FRA10AC1: variants seen among roughly 807,000 people sequenced by gnomAD.
The protein encoded by FRA10AC1 is FRA10A associated CGG repeat 1.
FRA10AC1 carries 43 observed loss-of-function variants against 56.5 expected under a neutral mutation model. The ratio of observed to expected loss-of-function variants is 0.76; its 90% CI spans 0.60 to 0.98. The LOEUF (loss-of-function observed/expected upper bound fraction) is 0.98, where lower values mean the gene tolerates loss of function less well. FRA10AC1 is among the 50% of genes least tolerant of loss of function. The pLI is 0.00. For synonymous variants in FRA10AC1, 112 were observed against 110.5 expected (o/e 1.01, Z -0.09); for missense variants, 346 against 351.8 (o/e 0.98, Z 0.13).
At chr10:93,670,556 G>C (rs1333799023) in intron 13 of FRA10AC1, among the ~76,000 whole-genome samples, 2 of 152,088 alleles carry the variant, frequency 1.3e-5, no homozygotes, top group East Asian at 1.9e-4. Context: ...ATCTGTTAAA[G>C]TGAACTGATG....
chr10:93,687,538 T>TA, intron 7 of FRA10AC1, 89 bp from the exon 8 acceptor site: 2 of 1,195,170 alleles, frequency 1.7e-6, no homozygotes, highest in Admixed American at 3.1e-5. Flanking sequence ...TTCACCAACC[T>TA]AAAAAATAAA....
At chr10:93,673,932 C>A in intron 12 of FRA10AC1, 1 of 245,094 alleles carries the variant, frequency 4.1e-6, no homozygotes, top group Non-Finnish European at 8.3e-6. Context: ...CACTGATGAA[C>A]AGTTATTGAT....
At chr10:93,688,866 C>T (rs1181245555) in intron 7 of FRA10AC1, among the ~76,000 whole-genome samples, 1 of 152,004 alleles carries the variant, frequency 6.6e-6, no homozygotes, top group East Asian at 1.9e-4. Context: ...TAGAAACATG[C>T]ATACCTGTAC....
intron 11 of FRA10AC1, among the ~76,000 whole-genome samples, chr10:93,678,077 G>C (rs2058873890): frequency 6.6e-6 from 1 of 152,188 alleles, no homozygotes; most frequent in South Asian, 2.1e-4. Flanking sequence ...TATTTCTAAA[G>C]GAGAAGTGAC....
chr10:93,700,264 C>A (rs2059308667), intron 1 of FRA10AC1, among the ~76,000 whole-genome samples, 158 bp from the exon 2 acceptor site: 1 of 152,206 alleles, frequency 6.6e-6, no homozygotes. Context: ...CTAAAACTTT[C>A]ATTCGCTTTT....
rs78660672 is a variant in FRA10AC1, at chr10:93,699,087, C to T, written c.78-691G>A. ...CCCAGGAAAGCCAAAAGACTGGACA[C>T]CCTGCCATAGACTGTCAGCCCTAGT... On this transcript the variant is annotated intron_variant, in intron 2 of 13. Transcript: ENST00000359204. Among the ~76,000 whole-genome samples the T allele has an allele frequency of 4.8e-3, 736 of 152,214 alleles. 3 individuals carry two copies. The highest frequency in any genetic ancestry group is 8.5e-3 in the Admixed American group (130 of 15,290).
At chr10:93,701,284 A>G (rs1343003466) in intron 1 of FRA10AC1, among the ~76,000 whole-genome samples, 2 of 152,226 alleles carry the variant, frequency 1.3e-5, no homozygotes, top group African/African-American at 4.8e-5. Flanking sequence ...GGAACAGTCC[A>G]GGTTAAATGA....
At chr10:93,673,458 G>A (rs187641390) in intron 12 of FRA10AC1, 5 of 420,788 alleles carry the variant, frequency 1.2e-5, no homozygotes, top group Non-Finnish European at 2.3e-5. Flanking sequence ...TCCCTTTAGA[G>A]TGTGGTGCCT....
chr10:93,686,528 T>TA (rs1174383146), intron 8 of FRA10AC1, among the ~76,000 whole-genome samples: 1 of 151,754 alleles, frequency 6.6e-6, no homozygotes, highest in Admixed American at 6.6e-5. Flanking sequence ...GATAAAAACA[T>TA]AAACTAAAAT....
In FRA10AC1 at chr10:93,694,967, C is replaced by T. The variant is rs753754104; in HGVS notation, c.220-30G>A. 7.1e-6 allele frequency: 8 copies of T among 1,134,280 alleles called. No homozygotes were observed. In the African/African-American group the frequency reaches 1.0e-4, roughly 15 times the overall value. The allele number at this position is 1,134,280 out of a possible 1,614,324, so 70.3% of individuals were successfully genotyped here. On this transcript the variant is annotated intron_variant, in intron 4 of 13. Coordinates refer to ENST00000359204, the MANE Select transcript of FRA10AC1 (RefSeq NM_145246.5). ...AATGCAAAAAATTAAGGATTTTATTCTCTTAGGAGCTGTTTGGTGTCATAA... is the reference window on the plus strand; with the variant it reads ...AATGCAAAAAATTAAGGATTTTATTTTCTTAGGAGCTGTTTGGTGTCATAA...
chr10:93,677,523 G>T (rs573605271), intron 11 of FRA10AC1, among the ~76,000 whole-genome samples: 1 of 152,190 alleles, frequency 6.6e-6, no homozygotes. Flanking sequence ...AGGTAAAAAA[G>T]ACGTTAGGCT....
intron 4 of FRA10AC1, among the ~76,000 whole-genome samples, chr10:93,696,483 C>T (rs1340189127): frequency 2.0e-5 from 3 of 152,156 alleles, no homozygotes; most frequent in African/African-American, 4.8e-5. Context: ...TGGAGAAATA[C>T]GAACACTTTT....
At chr10:93,671,842 C>CT in intron 12 of FRA10AC1, 1 of 336,888 alleles carries the variant, frequency 3.0e-6, no homozygotes, top group South Asian at 2.4e-5. Flanking sequence ...GCCTGGAATA[C>CT]TTTTACTTTC....
intron 7 of FRA10AC1, among the ~76,000 whole-genome samples, chr10:93,688,520 A>T (rs1448595771): frequency 6.6e-6 from 1 of 152,216 alleles, no homozygotes; most frequent in African/African-American, 2.4e-5. Flanking sequence ...ATAATGATGT[A>T]TCAACGTAGG....
Position 93,700,045 on chromosome 10 carries a change from C to A in FRA10AC1, c.62G>T (p.Ser21Ile). The stretch of plus-strand genomic sequence containing the variant: ...AATTACTTACCTTTTTTTCCTTTTG[C>A]TGGATTCTCCACAGCGTTCATCATC... ...FSDDERCGES[S>I]KRKKRTVEDD... Residue 21 changes from serine to isoleucine, a missense_variant, in exon 2 of 14, where the codon AGC becomes ATC. Ser to Ile is a moderately radical substitution (Grantham distance 142). Coordinates refer to ENST00000359204, the MANE Select transcript of FRA10AC1 (RefSeq NM_145246.5). The A allele has an allele frequency of 6.3e-7, 1 of 1,582,026 alleles. No homozygotes were observed. The highest frequency in any genetic ancestry group is 8.6e-7 in the Non-Finnish European group (1 of 1,156,628).
intron 12 of FRA10AC1, chr10:93,672,148 C>T (rs1044550566): frequency 9.9e-6 from 4 of 405,016 alleles, no homozygotes; most frequent in Non-Finnish European, 1.9e-5. Context: ...TAGTTAAACA[C>T]AACATAAAAA....
Position 93,698,159 on chromosome 10 carries a change from A to G in FRA10AC1, c.196T>C (p.Phe66Leu). The G allele has an allele frequency of 6.3e-7, 1 of 1,581,714 alleles. No homozygotes were observed. Among genetic ancestry groups the G allele is most frequent in the Non-Finnish European group, 8.6e-7 (1 of 1,160,608 alleles). The change falls in exon 4 of 14, where the codon TTT becomes CTT. Residue 66 changes from phenylalanine to leucine, a missense_variant. Transcript: ENST00000359204. ...ACAGCATCCATAGCTATGAGATGAA[A>G]CCTTCTATTTCTTGCTTCTTCCCTG... ...LDREEARNRRFHLIAMDAYQR... is the reference protein window; with the variant it reads ...LDREEARNRRLHLIAMDAYQR...
At chr10:93,688,825 A>G (rs2059075034) in intron 7 of FRA10AC1, among the ~76,000 whole-genome samples, 1 of 152,070 alleles carries the variant, frequency 6.6e-6, no homozygotes, top group Admixed American at 6.6e-5. Context: ...CAACAACAAA[A>G]AATAACAACA....
intron 11 of FRA10AC1, among the ~76,000 whole-genome samples, chr10:93,677,550 G>C (rs1435448459): frequency 6.6e-6 from 1 of 152,170 alleles, no homozygotes; most frequent in Non-Finnish European, 1.5e-5. Flanking sequence ...GGAGGCCCAA[G>C]AACATAATTA....
Sources: allele counts gnomAD v4.1 joint callset (sites outside exome capture counted in the v4.1 genomes callset), GRCh38; gene constraint gnomAD v4.1.1; transcripts MANE v1.5; gene names NCBI Gene and HGNC (gene_info 2026-07-23, HGNC 2026-07-21).